The following TMC3 variants were observed in gnomAD, a reference collection of about 807,000 sequenced individuals.
The protein encoded by TMC3 is transmembrane channel-like protein 3.
TMC3 carries 98 observed loss-of-function variants against 110.6 expected under a neutral mutation model. The ratio of observed to expected loss-of-function variants is 0.89; its 90% confidence interval spans 0.75 to 1.05. The LOEUF (loss-of-function observed/expected upper bound fraction) is 1.05. Among genes scored for constraint, TMC3 ranks in the 50% least tolerant of loss-of-function variants. The pLI is 0.00. For missense variants in TMC3, 1,319 were observed against 1,373.2 expected (o/e 0.96, Z 0.62); for synonymous variants, 489 against 513.1 (o/e 0.95, Z 0.63).
chr15:81,363,690 C>T (rs1555429285), intron 3 of TMC3, among the ~76,000 whole-genome samples: 1 of 152,228 alleles, frequency 6.6e-6, no homozygotes, highest in African/African-American at 2.4e-5. Flanking sequence ...AAATTCTCCT[C>T]TTTGTAAACT....
In TMC3 at chr15:81,351,494, G is replaced by A. The variant is rs549599657; in HGVS notation, c.1083+200C>T. Among the ~76,000 whole-genome samples, 5 of 151,976 alleles carry A rather than the reference G, an allele frequency of 3.3e-5. No individual in the cohort carries two copies. In the South Asian group the frequency reaches 6.2e-4, roughly 19 times the overall value. ...AGCCTCCTGAGTAGCTGGAACTACAGGTGTGCACCACGACGCCCAGCTAAT... is the reference window on the plus strand; with the variant it reads ...AGCCTCCTGAGTAGCTGGAACTACAAGTGTGCACCACGACGCCCAGCTAAT... On this transcript the variant is annotated intron_variant, in intron 10 of 21. Transcript: ENST00000359440.
chr15:81,359,429 C>T lies in TMC3; in HGVS notation c.437G>A (p.Arg146Lys). The change falls in exon 5 of 22, where the codon AGA (arginine) becomes AAA (lysine). Residue 146 changes from arginine (R) to lysine (K), a missense_variant. Transcript: ENST00000359440. ...CACAATATTAATTCCAAATAACCAT[C>T]TCAAGAATATGAAATAGGAGGCAAC... ...SGVASYFIFL[R>K]WLFGINIVLT... 6.2e-7 allele frequency: 1 copy of T among 1,605,122 alleles called. No individual in the cohort carries two copies. Among genetic ancestry groups the T allele is most frequent in the South Asian group, 1.1e-5 (1 of 88,562 alleles).
At position 81,332,666 on chromosome 15, in the gene TMC3, A is replaced by G; in HGVS notation, c.3056T>C (p.Phe1019Ser). The G allele has an allele frequency of 6.2e-7, 1 of 1,613,906 alleles. No individual in the cohort carries two copies. The highest frequency in any genetic ancestry group is 8.5e-7 in the Non-Finnish European group (1 of 1,179,858). ...YVPRKPRSRN[F>S]QYPQPPLKPR... ...CTTCAGAGGGGGCTGTGGGTATTGGAAATTCCGGGATCGTGGCTTTCTGGG... is the reference window on the plus strand; with the variant it reads ...CTTCAGAGGGGGCTGTGGGTATTGGGAATTCCGGGATCGTGGCTTTCTGGG... Residue 1019 changes from phenylalanine (F) to serine (S), a missense_variant, in exon 22 of 22, where the codon TTC (phenylalanine) becomes TCC (serine). Phe to Ser is a radical substitution (Grantham distance 155). Coordinates refer to ENST00000359440, the MANE Select transcript of TMC3 (RefSeq NM_001080532.3).
At chr15:81,346,261 C>G in intron 12 of TMC3, 104 bp downstream of exon 12, 2 of 1,021,226 alleles carry the variant, frequency 2.0e-6, no homozygotes, top group Non-Finnish European at 3.0e-6. Context: ...TTATGGAGTA[C>G]AAGTATAAGC....
intron 11 of TMC3, among the ~76,000 whole-genome samples, chr15:81,348,672 A>C (rs1893876964): frequency 6.6e-6 from 1 of 152,198 alleles, no homozygotes; most frequent in Non-Finnish European, 1.5e-5. Flanking sequence ...GGAACTGTTC[A>C]CAAAGCATTG....
chr15:81,333,326 C>T, intron 21 of TMC3, 64 bp from the exon 22 acceptor site: 2 of 1,534,096 alleles, frequency 1.3e-6, no homozygotes, highest in South Asian at 2.6e-5. Context: ...CACCTGAGGA[C>T]TGTGAGCTGT....
In TMC3 at chr15:81,355,733, GCTTTT is replaced by G. The variant is rs750677468; in HGVS notation, c.922_926del (p.Lys308GlnfsTer52). ...GGAGTAATAATACCTACAGGTTTTT[GCTTTT>G]CTTTTTCTCCTGTTCTTCCAATATA... is the stretch of plus-strand genomic sequence containing the variant. On this transcript the variant is annotated frameshift_variant, in exon 9 of 22. Coordinates refer to ENST00000359440, the MANE Select transcript of TMC3 (RefSeq NM_001080532.3). LOFTEE classifies it high-confidence loss of function. 8.8e-6 allele frequency: 14 copies of G among 1,597,012 alleles called. No homozygotes were observed. Among genetic ancestry groups the G allele is most frequent in the Non-Finnish European group, 1.2e-5 (14 of 1,168,400 alleles).
At chr15:81,370,475 T>G (rs1312845344) in intron 2 of TMC3, among the ~76,000 whole-genome samples, 2 of 152,132 alleles carry the variant, frequency 1.3e-5, no homozygotes, top group African/African-American at 4.8e-5. Flanking sequence ...GTCAGCCATC[T>G]TGGGGCTCTG....
chr15:81,359,336 A>G, intron 5 of TMC3, 29 bp downstream of exon 5: 1 of 1,496,320 alleles, frequency 6.7e-7, no homozygotes, highest in Non-Finnish European at 9.1e-7. Context: ...CCTCTTTGTA[A>G]TGAGTGGTAC....
intron 3 of TMC3, among the ~76,000 whole-genome samples, chr15:81,362,848 A>C (rs1361998080): frequency 1.3e-5 from 2 of 152,154 alleles, no homozygotes; most frequent in Non-Finnish European, 2.9e-5. Flanking sequence ...ATCCCTGTTT[A>C]AGGACCAAGA....
intron 3 of TMC3, among the ~76,000 whole-genome samples, chr15:81,364,046 T>C (rs535255220): frequency 6.6e-6 from 1 of 152,338 alleles, no homozygotes; most frequent in Admixed American, 6.5e-5. Flanking sequence ...TCCATCTGTA[T>C]AAGAAGTAAG....
intron 3 of TMC3, among the ~76,000 whole-genome samples, chr15:81,362,571 G>C (rs1380158584): frequency 6.6e-6 from 1 of 152,126 alleles, no homozygotes; most frequent in Non-Finnish European, 1.5e-5. Flanking sequence ...CCCGAGCCGT[G>C]ATGCCTGTAT....
chr15:81,365,053 A>G (rs1294424793), intron 3 of TMC3, among the ~76,000 whole-genome samples: 1 of 152,366 alleles, frequency 6.6e-6, no homozygotes, highest in East Asian at 1.9e-4. Flanking sequence ...TAATAACTTT[A>G]TCTTATTATA....
intron 3 of TMC3, among the ~76,000 whole-genome samples, chr15:81,367,281 A>G (rs1894335773): frequency 6.6e-6 from 1 of 151,174 alleles, no homozygotes; most frequent in Admixed American, 6.6e-5. Flanking sequence ...TATAAAAACT[A>G]TATAGCAACA....
intron 2 of TMC3, among the ~76,000 whole-genome samples, chr15:81,369,951 C>A (rs112838483): frequency 5.3e-5 from 8 of 152,164 alleles, no homozygotes; most frequent in African/African-American, 1.7e-4. Context: ...CAACAAAAAA[C>A]CAGAGTCTCT....
At chr15:81,340,911 G>A (rs1045379667) in intron 16 of TMC3, among the ~76,000 whole-genome samples, 11 of 152,230 alleles carry the variant, frequency 7.2e-5, no homozygotes, top group African/African-American at 2.7e-4. Flanking sequence ...ACAATGTTGC[G>A]TGTAAGCAGT....
chr15:81,343,228 T>A lies in TMC3; in HGVS notation c.1715+50A>T, dbSNP rs369862404. ...CATCTAGACTAAGTAAATTAAAATC[T>A]TAGCCCAGATGAGATGTAAGCAAAG... On this transcript the variant is annotated intron_variant, in intron 15 of 21. Transcript: ENST00000359440. 3.3e-6 allele frequency: 4 copies of A among 1,196,064 alleles called. No homozygotes were observed. The African/African-American group carries it at 6.0e-5, about 18-fold the overall frequency. The allele number at this position is 1,196,064 out of a possible 1,614,324, so 74.1% of individuals were successfully genotyped here. A position where few individuals can be genotyped will look rare whatever the true frequency, so the allele number is the denominator to read the frequency against.
At chr15:81,371,920 C>T in intron 2 of TMC3, among the ~76,000 whole-genome samples, 1 of 152,046 alleles carries the variant, frequency 6.6e-6, no homozygotes, top group East Asian at 1.9e-4. Flanking sequence ...TCCTCACCAT[C>T]GCTTCAACTT....
rs1893504848 is a variant in TMC3 at position 81,333,004 on chromosome 15, T to C, written c.2718A>G (p.Glu906=). Reference sequence around the variant, plus strand: ...CTGAAGCATCTATCTTGAAATGTCTTTCTGGCCAGACATTTAGATGTTTTT... The same window carrying C: ...CTGAAGCATCTATCTTGAAATGTCTCTCTGGCCAGACATTTAGATGTTTTT... ...YKKKHLNVWP[E]RHFKIDASGD... The change falls in exon 22 of 22, where the codon GAA becomes GAG. Residue 906 remains glutamate, a synonymous_variant. Transcript: ENST00000359440. The C allele has an allele frequency of 3.7e-6, 6 of 1,613,826 alleles. No individual in the cohort carries two copies. In the East Asian group the frequency reaches 1.3e-4, roughly 36 times the overall value.
Sources: gnomAD v4.1 joint callset for allele counts (sites outside exome capture counted in the v4.1 genomes callset) on GRCh38, gnomAD v4.1.1 for gene constraint, MANE v1.5 for transcripts, NCBI Gene and HGNC (gene_info 2026-07-23, HGNC 2026-07-21) for gene names.